USP6NL: variants seen among roughly 807,000 people sequenced by gnomAD.
USP6NL encodes USP6 N-terminal like, also known as USP6 N-terminal-like protein.
Under a neutral mutation model 61.9 loss-of-function variants are expected in USP6NL, and 26 were observed. The ratio of observed to expected loss-of-function variants is 0.42; its 90% CI spans 0.31 to 0.58. USP6NL has a LOEUF of 0.58. Ranked by LOEUF, USP6NL falls within the 20% of genes least tolerant of loss-of-function variation. The pLI, the probability that USP6NL is intolerant of heterozygous loss-of-function variation, is 0.16. For missense variants in USP6NL, 1,114 were observed against 1,034.3 expected, an observed-to-expected ratio of 1.08 and a Z score of -1.06; for synonymous variants, 432 against 390.1, an observed-to-expected ratio of 1.11 and a Z score of -1.27.
chr10:11,468,671 G>C lies in USP6NL; in HGVS notation c.1079-4822C>G, dbSNP rs1832588702. On this transcript the variant is annotated intron_variant, in intron 14 of 14. Transcript: ENST00000609104. The surrounding 1 kb of genome is among the most constrained non-coding windows in gnomAD (Gnocchi z 4.5). Reference sequence around the variant, plus strand: ...GGGGAGGAGGTGTGGGAAAAATGCGGAACACCTTTGAGGAAAATGTTGCCA... The same window carrying C: ...GGGGAGGAGGTGTGGGAAAAATGCGCAACACCTTTGAGGAAAATGTTGCCA... Among the ~76,000 whole-genome samples, 1 of 152,230 alleles carries C rather than the reference G, an allele frequency of 6.6e-6. No individual in the cohort carries two copies. The highest frequency in any genetic ancestry group is 2.4e-5 in the African/African-American group (1 of 41,464).
At position 11,518,390 on chromosome 10, in the gene USP6NL, C is replaced by A; in HGVS notation, c.195+145G>T. On this transcript the variant is annotated intron_variant, in intron 5 of 14. Coordinates refer to ENST00000609104, the MANE Select transcript of USP6NL (RefSeq NM_014688.5). The surrounding 1 kb of genome is among the most constrained non-coding windows in gnomAD (Gnocchi z 5.3). Reference sequence around the variant, plus strand: ...TATTTCACCATTAACTATTATCTTACAGTGGCATAATGAGGTCCAAAATCT... The same window carrying A: ...TATTTCACCATTAACTATTATCTTAAAGTGGCATAATGAGGTCCAAAATCT... 1.4e-6 allele frequency: 1 copy of A among 726,990 alleles called. No individual in the cohort carries two copies. The highest frequency in any genetic ancestry group is 2.6e-5 in the Admixed American group (1 of 38,344). 45.0% of individuals were successfully genotyped at this position (726,990 alleles called of 1,614,324 possible).
chr10:11,477,055 A>C (rs1832998956), intron 14 of USP6NL, among the ~76,000 whole-genome samples: 2 of 152,152 alleles, frequency 1.3e-5, no homozygotes, highest in Non-Finnish European at 2.9e-5. Context: ...TATTTTTAGT[A>C]GAGACAGGGT....
intron 2 of USP6NL, among the ~76,000 whole-genome samples, chr10:11,582,179 T>C (rs1837797411): frequency 6.6e-6 from 1 of 152,248 alleles, no homozygotes; most frequent in Non-Finnish European, 1.5e-5. Flanking sequence ...TTGGGCAGGC[T>C]GGTGTCAAAC....
rs1297381383 is a variant in USP6NL, at chr10:11,562,098, G to A, written c.5-34531C>T. On this transcript the variant is annotated intron_variant, in intron 2 of 14. Coordinates refer to ENST00000609104, the MANE Select transcript of USP6NL (RefSeq NM_014688.5). This position sits in a 1 kb window ranked among gnomAD's most constrained non-coding sequence, Gnocchi z 4.8. ...GTTTAAGACCAGCCTGGCCAACATA[G>A]TGAAACTCCGTCTCTACTAAAAATA... Among the ~76,000 whole-genome samples, 1 of 152,094 alleles carries A rather than the reference G, an allele frequency of 6.6e-6. No homozygotes were observed. The highest frequency in any genetic ancestry group is 1.5e-5 in the Non-Finnish European group (1 of 68,002).
chr10:11,465,831 T>G lies in USP6NL; in HGVS notation c.1079-1982A>C, dbSNP rs1192236192. On this transcript the variant is annotated intron_variant, in intron 14 of 14. Coordinates refer to ENST00000609104, the MANE Select transcript of USP6NL (RefSeq NM_014688.5). The surrounding 1 kb of genome is among the most constrained non-coding windows in gnomAD (Gnocchi z 4.5). ...CTATATCCCCAATCTCAAAACTGGATTGTTTTAAATAAATTTTAGGGACTG... is the reference window on the plus strand; with the variant it reads ...CTATATCCCCAATCTCAAAACTGGAGTGTTTTAAATAAATTTTAGGGACTG... Among the ~76,000 whole-genome samples, 1 of 152,214 alleles carries G rather than the reference T, an allele frequency of 6.6e-6. No homozygotes were observed. Among genetic ancestry groups the G allele is most frequent in the East Asian group, 1.9e-4 (1 of 5,206 alleles).
chr10:11,574,762 A>C lies in USP6NL; in HGVS notation c.4+22869T>G, dbSNP rs1297834118. On this transcript the variant is annotated intron_variant, in intron 2 of 14. Transcript: ENST00000609104. This position sits in a 1 kb window ranked among gnomAD's most constrained non-coding sequence, Gnocchi z 4.3. The stretch of plus-strand genomic sequence containing the variant: ...TTAGATCCCAGAGCAAATCAGAGGC[A>C]GTTCCTTTGCCTTCAGACAGTTAAA... Among the ~76,000 whole-genome samples, 1 of 152,204 alleles carries C rather than the reference A, an allele frequency of 6.6e-6. No individual in the cohort carries two copies. The highest frequency in any genetic ancestry group is 1.5e-5 in the Non-Finnish European group (1 of 68,030).
chr10:11,545,457 GTTC>G (rs1566171357), intron 2 of USP6NL, among the ~76,000 whole-genome samples: 1 of 152,200 alleles, frequency 6.6e-6, no homozygotes, highest in African/African-American at 2.4e-5. Context: ...AAGCTGCCGT[GTTC>G]CACCTTCTCT....
intron 2 of USP6NL, among the ~76,000 whole-genome samples, chr10:11,560,710 TA>T (rs1836897341): frequency 1.8e-5 from 2 of 108,336 alleles, no homozygotes; most frequent in African/African-American, 6.2e-5. Flanking sequence ...AAAATATATA[TA>T]TATTATATAT....
At chr10:11,464,571 T>C (rs1731256448) in intron 14 of USP6NL, among the ~76,000 whole-genome samples, 1 of 152,152 alleles carries the variant, frequency 6.6e-6, no homozygotes, top group South Asian at 2.1e-4. Flanking sequence ...TCCTCCACTA[T>C]ACCACCGTGG....
chr10:11,531,327 CT>C (rs962272805), intron 2 of USP6NL, among the ~76,000 whole-genome samples: 55 of 151,544 alleles, frequency 3.6e-4, no homozygotes, highest in Non-Finnish European at 5.3e-4. Context: ...TATTTTTTTT[CT>C]TTTTTTCTTT....
At chr10:11,475,712 T>C (rs1832945276) in intron 14 of USP6NL, among the ~76,000 whole-genome samples, 1 of 150,944 alleles carries the variant, frequency 6.6e-6, no homozygotes. Flanking sequence ...GCCAAAAGCA[T>C]GAGGGAGAGC....
intron 2 of USP6NL, among the ~76,000 whole-genome samples, chr10:11,566,323 C>CA (rs1036288992): frequency 3.7e-4 from 56 of 152,174 alleles, no homozygotes; most frequent in Non-Finnish European, 5.9e-4. Flanking sequence ...ACCGAAAGGA[C>CA]AAAAAAATCG....
At chr10:11,471,965 T>TA (rs543232536) in intron 14 of USP6NL, among the ~76,000 whole-genome samples, 4,321 of 137,816 alleles carry the variant, frequency 0.031, 77 homozygotes, top group Non-Finnish European at 0.04. Context: ...CCCTAAAACT[T>TA]AAAAAAAAAA....
intron 7 of USP6NL, among the ~76,000 whole-genome samples, chr10:11,497,099 T>C (rs1833962588): frequency 6.6e-6 from 1 of 150,826 alleles, no homozygotes; most frequent in South Asian, 2.1e-4. Flanking sequence ...CCATCTTTTT[T>C]TTTTTTTTTT....
At chr10:11,469,798 C>A (rs1337300194) in intron 14 of USP6NL, among the ~76,000 whole-genome samples, 1 of 152,188 alleles carries the variant, frequency 6.6e-6, no homozygotes, top group East Asian at 1.9e-4. Flanking sequence ...TTAAACAGTG[C>A]CAGCTCACTC....
chr10:11,604,122 T>A (rs1838638344), intron 1 of USP6NL, among the ~76,000 whole-genome samples: 1 of 152,170 alleles, frequency 6.6e-6, no homozygotes, highest in African/African-American at 2.4e-5. Flanking sequence ...CACTGAGAGT[T>A]GCTGTGGAAT....
chr10:11,607,665 G>T (rs1043085808), intron 1 of USP6NL, among the ~76,000 whole-genome samples: 11 of 152,118 alleles, frequency 7.2e-5, no homozygotes, highest in Non-Finnish European at 1.5e-4. Flanking sequence ...CAACCTGGGT[G>T]ACAGGGTGAG....
intron 6 of USP6NL, 24 bp downstream of exon 6, chr10:11,509,571 T>C: frequency 1.3e-6 from 2 of 1,512,164 alleles, no homozygotes; most frequent in Non-Finnish European, 1.8e-6. Flanking sequence ...TAGTTTCATA[T>C]GGAAAAACAT....
intron 2 of USP6NL, among the ~76,000 whole-genome samples, chr10:11,530,772 A>T (rs1370297617): frequency 6.6e-6 from 1 of 152,252 alleles, no homozygotes; most frequent in Non-Finnish European, 1.5e-5. Flanking sequence ...ACATTATTTT[A>T]AAATCTGCAT....
Sources: gnomAD v4.1 joint callset for allele counts (sites outside exome capture counted in the v4.1 genomes callset) on GRCh38, gnomAD v4.1.1 for gene constraint, Gnocchi (gnomAD v3.1) non-coding constraint, MANE v1.5 for transcripts, NCBI Gene and HGNC (gene_info 2026-07-23, HGNC 2026-07-21) for gene names.